The following CAMK1D variants were observed in gnomAD, a reference collection of about 807,000 sequenced individuals.
CAMK1D encodes the protein calcium/calmodulin-dependent protein kinase type 1D.
In CAMK1D, 9 loss-of-function variants were observed where a neutral mutation model predicts 47.7. The observed-to-expected ratio is 0.19, with a 90% CI of 0.11 to 0.33. CAMK1D has a LOEUF of 0.33. Ranked by LOEUF, CAMK1D falls within the 10% of genes least tolerant of loss-of-function variation. CAMK1D has a pLI of 1.00. For synonymous variants in CAMK1D, 184 were observed against 184.9 expected, an observed-to-expected ratio of 0.99 and a Z score of 0.04; for missense variants, 291 against 488.7, an observed-to-expected ratio of 0.60 and a Z score of 3.81.
intron 3 of CAMK1D, among the ~76,000 whole-genome samples, chr10:12,697,909 C>T (rs750297758): frequency 1.3e-5 from 2 of 152,100 alleles, no homozygotes; most frequent in African/African-American, 2.4e-5. Context: ...CAGTGGAAGG[C>T]GGCCTCCTGC....
At chr10:12,609,501 T>TC (rs1838560952) in intron 2 of CAMK1D, among the ~76,000 whole-genome samples, 1 of 152,126 alleles carries the variant, frequency 6.6e-6, no homozygotes, top group African/African-American at 2.4e-5. Flanking sequence ...AACTGGACAG[T>TC]CCCATCTGGG....
At chr10:12,773,758 G>A (rs1003765944) in intron 5 of CAMK1D, among the ~76,000 whole-genome samples, 3 of 152,168 alleles carry the variant, frequency 2.0e-5, no homozygotes, top group Non-Finnish European at 4.4e-5. Context: ...GCCAGGCAAG[G>A]TGGCAGGCGC....
chr10:12,468,769 A>G (rs912166352), intron 1 of CAMK1D, among the ~76,000 whole-genome samples: 18 of 152,152 alleles, frequency 1.2e-4, no homozygotes, highest in African/African-American at 3.6e-4. Flanking sequence ...CTGCACCCAA[A>G]TCCCTGACCA....
chr10:12,810,624 G>C (rs1183030126), intron 6 of CAMK1D, among the ~76,000 whole-genome samples: 1 of 152,168 alleles, frequency 6.6e-6, no homozygotes, highest in South Asian at 2.1e-4. Context: ...TGGGGGCGGA[G>C]AGGCAGGGTC....
chr10:12,395,920 C>G (rs1300426976), intron 1 of CAMK1D, among the ~76,000 whole-genome samples: 1 of 151,888 alleles, frequency 6.6e-6, no homozygotes, highest in Admixed American at 6.5e-5. Flanking sequence ...GAGTGAGACT[C>G]CGTCTCAAGA....
At chr10:12,704,803 A>G (rs1484534855) in intron 3 of CAMK1D, among the ~76,000 whole-genome samples, 2 of 152,116 alleles carry the variant, frequency 1.3e-5, no homozygotes, top group African/African-American at 2.4e-5. Flanking sequence ...TGGAAAGTCT[A>G]TTTCTTATTG....
chr10:12,545,490 C>T (rs925863273), intron 1 of CAMK1D, among the ~76,000 whole-genome samples: 6 of 140,522 alleles, frequency 4.3e-5, no homozygotes, highest in Middle Eastern at 3.8e-3. Flanking sequence ...GGAAATATAC[C>T]ATCTGGGCCT....
At chr10:12,816,577 A>G (rs1832803530) in intron 8 of CAMK1D, among the ~76,000 whole-genome samples, 1 of 152,080 alleles carries the variant, frequency 6.6e-6, no homozygotes, top group South Asian at 2.1e-4. Context: ...CTGCTGATAA[A>G]GACATACCAG....
intron 1 of CAMK1D, among the ~76,000 whole-genome samples, chr10:12,452,656 A>T (rs879838466): frequency 1.3e-5 from 2 of 150,618 alleles, no homozygotes; most frequent in Non-Finnish European, 3.0e-5. Context: ...TGCAGTCTTG[A>T]CTCACTGCAA....
chr10:12,729,681 T>C (rs7077423), intron 3 of CAMK1D, among the ~76,000 whole-genome samples: 55,969 of 151,954 alleles, frequency 0.37, 11,022 homozygotes, highest in African/African-American at 0.51. Flanking sequence ...AGAGATTAAA[T>C]ATTCGAGGAG....
intron 2 of CAMK1D, among the ~76,000 whole-genome samples, chr10:12,558,161 A>G (rs933525324): frequency 1.2e-4 from 19 of 152,254 alleles, no homozygotes; most frequent in African/African-American, 2.4e-5. Flanking sequence ...TTTATGCGGT[A>G]TGGAATAAAC....
chr10:12,459,517 C>T (rs866062077), intron 1 of CAMK1D, among the ~76,000 whole-genome samples: 12 of 152,040 alleles, frequency 7.9e-5, no homozygotes, highest in African/African-American at 2.2e-4. Flanking sequence ...AAAAAACCCA[C>T]GCATACACTC....
intron 2 of CAMK1D, among the ~76,000 whole-genome samples, chr10:12,658,796 C>G (rs1007864283): frequency 5.3e-5 from 8 of 152,110 alleles, no homozygotes; most frequent in Non-Finnish European, 1.2e-4. Flanking sequence ...CACTCCATTC[C>G]CCTTCTGGCC....
intron 3 of CAMK1D, among the ~76,000 whole-genome samples, chr10:12,743,605 A>G (rs753682600): frequency 9.9e-5 from 15 of 152,212 alleles, no homozygotes; most frequent in Admixed American, 2.6e-4. Context: ...CACCATCACC[A>G]CTACAGAACT....
chr10:12,543,373 G>A (rs898350835), intron 1 of CAMK1D, among the ~76,000 whole-genome samples: 1 of 152,032 alleles, frequency 6.6e-6, no homozygotes, highest in Non-Finnish European at 1.5e-5. Flanking sequence ...AACAACTTTA[G>A]GTTAAATAGT....
intron 3 of CAMK1D, among the ~76,000 whole-genome samples, chr10:12,738,459 A>C (rs1251190554): frequency 6.6e-6 from 1 of 152,214 alleles, no homozygotes; most frequent in Non-Finnish European, 1.5e-5. Context: ...CAAAATGTAA[A>C]CAAAGATATT....
intron 3 of CAMK1D, among the ~76,000 whole-genome samples, chr10:12,698,648 G>A (rs1833388719): frequency 6.9e-6 from 1 of 145,678 alleles, no homozygotes; most frequent in Non-Finnish European, 1.5e-5. Context: ...ATTATTAGCT[G>A]AAGAAAAATG....
At chr10:12,717,053 A>C (rs1834171521) in intron 3 of CAMK1D, among the ~76,000 whole-genome samples, 1 of 152,248 alleles carries the variant, frequency 6.6e-6, no homozygotes, top group African/African-American at 2.4e-5. Context: ...CTTGAGGAGT[A>C]GTCCAGTGAT....
chr10:12,699,668 A>AT (rs150137133), intron 3 of CAMK1D, among the ~76,000 whole-genome samples: 4,880 of 148,552 alleles, frequency 0.033, 233 homozygotes, highest in African/African-American at 0.11. Context: ...AAACAAGATG[A>AT]TTTTTTTTTT....
Sources: allele counts gnomAD v4.1 joint callset (sites outside exome capture counted in the v4.1 genomes callset), GRCh38; gene constraint gnomAD v4.1.1; transcripts MANE v1.5; gene names NCBI Gene and HGNC (gene_info 2026-07-23, HGNC 2026-07-21).